The following EPS8L2 variants were observed in gnomAD, a reference collection of about 807,000 sequenced individuals.
EPS8L2 encodes the protein epidermal growth factor receptor kinase substrate 8-like protein 2.
EPS8L2 carries 81 observed loss-of-function variants against 99.4 expected under a neutral mutation model. That is an observed-to-expected ratio of 0.82 (90% CI 0.68 to 0.98). The LOEUF is 0.98. EPS8L2 is among the 50% of genes least tolerant of loss of function. The pLI is 0.00. For synonymous variants in EPS8L2, 509 were observed against 407.3 expected (o/e 1.25, Z -3.01); for missense variants, 1,155 against 968.8 (o/e 1.19, Z -2.55).
chr11:717,713 T>C (rs558847520), intron 4 of EPS8L2, among the ~76,000 whole-genome samples: 2 of 151,644 alleles, frequency 1.3e-5, no homozygotes, highest in Non-Finnish European at 2.9e-5. Flanking sequence ...CCCTTGTCTC[T>C]AGAAAAAATA....
chr11:726,232 G>GGC (rs1554953248), intron 18 of EPS8L2, 62 bp downstream of exon 18: 1 of 1,460,140 alleles, frequency 6.8e-7, no homozygotes, highest in Non-Finnish European at 9.3e-7. Context: ...GAGGAAGTGT[G>GGC]GGGGGGGTCC....
intron 1 of EPS8L2, among the ~76,000 whole-genome samples, chr11:707,880 G>C (rs1330481130): frequency 6.6e-6 from 1 of 152,112 alleles, no homozygotes; most frequent in African/African-American, 2.4e-5. Flanking sequence ...TGGCGCCCTT[G>C]GTGGAGCCCG....
At chr11:707,774 C>T (rs1481141673) in intron 1 of EPS8L2, among the ~76,000 whole-genome samples, 4 of 152,262 alleles carry the variant, frequency 2.6e-5, no homozygotes, top group East Asian at 3.9e-4. Context: ...CCAGGGGGGT[C>T]GCGTGTCACA....
Position 726,523 on chromosome 11 carries a change from G to A in EPS8L2, c.1934+39G>A. The stretch of plus-strand genomic sequence containing the variant: ...GGGGATGAGCTGGGGCCCGGGCGAG[G>A]GGTGGGAGGTGCGGCCGAAGGTGCG... On this transcript the variant is annotated intron_variant, in intron 19 of 20. Coordinates refer to ENST00000318562, the MANE Select transcript of EPS8L2 (RefSeq NM_022772.4). The A allele has an allele frequency of 3.3e-6, 5 of 1,517,768 alleles. 1 individual carries two copies. In the South Asian group the frequency reaches 3.8e-5, roughly 11 times the overall value. 94.0% of individuals were successfully genotyped at this position (1,517,768 alleles called of 1,614,324 possible).
At chr11:720,311 T>A in intron 5 of EPS8L2, 88 bp downstream of exon 5, 1 of 1,429,958 alleles carries the variant, frequency 7.0e-7, no homozygotes, top group Non-Finnish European at 9.6e-7. Context: ...CGGCCGGTCC[T>A]CTCTGCAGGG....
chr11:721,994 G>A lies in EPS8L2; in HGVS notation c.984+3G>A, dbSNP rs761539829. On this transcript the variant is annotated splice_donor_region_variant and intron_variant, in intron 11 of 20. Coordinates refer to ENST00000318562, the MANE Select transcript of EPS8L2 (RefSeq NM_022772.4). Reference sequence around the variant, plus strand: ...TCAAGCTGGCGATTAACTTGCTGGTGGGTCCGGTGGCCCCAGCCCTGCCCC... The same window carrying A: ...TCAAGCTGGCGATTAACTTGCTGGTAGGTCCGGTGGCCCCAGCCCTGCCCC... 8.7e-6 allele frequency: 14 copies of A among 1,605,836 alleles called. No individual in the cohort carries two copies. In the Admixed American group the frequency reaches 2.4e-4, roughly 27 times the overall value.
At chr11:721,015 G>T (rs1564975887) in intron 7 of EPS8L2, 49 bp from the exon 8 acceptor site, 1 of 1,086,328 alleles carries the variant, frequency 9.2e-7, no homozygotes. Flanking sequence ...AGGGAGGGAG[G>T]GTCAGGTGCG....
chr11:726,368 G>T lies in EPS8L2; in HGVS notation c.1818G>T (p.Ala606=), dbSNP rs968326287. ...TCCGGAAAATCAGCAACATCAGGGC[G>T]CAGCCACAGAGGCACTTCCGCGTGG... ...ELIRKISNIR[A]QPQRHFRVER... The change falls in exon 19 of 21, where the codon GCG becomes GCT. Residue 606 remains alanine (A), a synonymous_variant. Transcript: ENST00000318562. The T allele has an allele frequency of 1.9e-6, 3 of 1,610,838 alleles. No individual in the cohort carries two copies. Among genetic ancestry groups the T allele is most frequent in the Admixed American group, 1.7e-5 (1 of 59,858 alleles).
At position 722,403 on chromosome 11, in the gene EPS8L2, C is replaced by T. The variant is rs751072821; in HGVS notation, c.1062C>T (p.Ile354=). 18 of 1,612,758 alleles carry T rather than the reference C, an allele frequency of 1.1e-5. No homozygotes were observed. Among genetic ancestry groups the T allele is most frequent in the Non-Finnish European group, 1.4e-5 (17 of 1,179,798 alleles). Residue 354 remains isoleucine (I), a splice_region_variant and synonymous_variant, in exon 13 of 21, where the codon ATC becomes ATT. Transcript: ENST00000318562. ...VHFLFGPLDL[I]VNTCSGPDIA... ...CTCTGAACCTCACTGTGCCCCAGAT[C>T]GTCAACACCTGCAGTGGCCCAGACA...
rs573884964 is a variant in EPS8L2, at chr11:712,779, C to T, written c.165+2293C>T. ...TCTTGAATCGGGCTGTTTTGGGTGA[C>T]CAGGGCCCTCCCAGCAGCCTGGGCA... On this transcript the variant is annotated intron_variant, in intron 4 of 20. Transcript: ENST00000318562. 2.6e-5 allele frequency among the ~76,000 whole-genome samples: 4 copies of T among 152,350 alleles called. No homozygotes were observed. In the South Asian group the frequency reaches 8.3e-4, roughly 32 times the overall value.
intron 4 of EPS8L2, among the ~76,000 whole-genome samples, chr11:718,308 G>C (rs1424472756): frequency 1.3e-5 from 2 of 152,202 alleles, no homozygotes; most frequent in Admixed American, 1.3e-4. Context: ...ATTCCAGCCT[G>C]GGGGACAGAG....
intron 5 of EPS8L2, 128 bp from the exon 6 acceptor site, chr11:720,469 T>A (rs999777022): frequency 2.1e-6 from 3 of 1,441,074 alleles, no homozygotes; most frequent in Non-Finnish European, 2.8e-6. Context: ...CTAGTCCTCA[T>A]CTTTGGGAGC....
intron 4 of EPS8L2, among the ~76,000 whole-genome samples, chr11:715,845 C>T (rs1862011221): frequency 6.6e-6 from 1 of 151,840 alleles, no homozygotes; most frequent in South Asian, 2.1e-4. Context: ...TGGTCTCGAT[C>T]TCATGACCTC....
At chr11:722,186 G>A (rs772001593) in intron 12 of EPS8L2, 21 bp downstream of exon 12, 7 of 1,609,072 alleles carry the variant, frequency 4.4e-6, no homozygotes, top group Non-Finnish European at 5.1e-6. Flanking sequence ...CCGGGCGGCA[G>A]GGGCGCGCAG....
At chr11:715,137 G>A (rs1024097609) in intron 4 of EPS8L2, among the ~76,000 whole-genome samples, 1 of 152,158 alleles carries the variant, frequency 6.6e-6, no homozygotes, top group African/African-American at 2.4e-5. Flanking sequence ...AGCTACTCGG[G>A]AGGCTGAGGC....
intron 7 of EPS8L2, 69 bp downstream of exon 7, chr11:720,978 G>GCCCGGCAGGGAGGGGAGGAGC (rs5789193): frequency 1.5e-5 from 17 of 1,102,018 alleles, no homozygotes; most frequent in African/African-American, 1.9e-5. Flanking sequence ...GAGGGGAGGA[G>GCCCGGCAGGGAGGGGAGGAGC]CCGGCAGGGG....
Position 721,005 on chromosome 11 carries a change from A to AGGGGAG in EPS8L2, c.558-56_558-55insGAGGGG, listed in dbSNP as rs758503993. 1.2e-3 allele frequency: 1,630 copies of AGGGGAG among 1,398,318 alleles called. 22 individuals carry two copies. The highest frequency in any genetic ancestry group is 2.1e-3 in the Admixed American group (96 of 46,174). The allele number at this position is 1,398,318 out of a possible 1,614,324, so 86.6% of individuals were successfully genotyped here. ...CGGCAGGGGAGGGGAGGAGCCCGGCAGGGAGGGAGGGTCAGGTGCGTTCCC... is the reference window on the plus strand; with the variant it reads ...CGGCAGGGGAGGGGAGGAGCCCGGCAGGGGAGGGGAGGGAGGGTCAGGTGCGTTCCC... On this transcript the variant is annotated intron_variant, in intron 7 of 20. Transcript: ENST00000318562.
At chr11:722,277 C>A in intron 12 of EPS8L2, 112 bp downstream of exon 12, 2 of 1,535,818 alleles carry the variant, frequency 1.3e-6, no homozygotes, top group South Asian at 1.2e-5. Context: ...CAGCCCGGTT[C>A]ACGCTGTGTG....
chr11:726,493 G>A lies in EPS8L2; in HGVS notation c.1934+9G>A. The stretch of plus-strand genomic sequence containing the variant: ...AAGGCCTTCAGCCCGCGGTGAGCGG[G>A]GGCGGGGGATGAGCTGGGGCCCGGG... On this transcript the variant is annotated intron_variant, in intron 19 of 20. Transcript: ENST00000318562. 7 of 1,545,792 alleles carry A rather than the reference G, an allele frequency of 4.5e-6. No homozygotes were observed. The highest frequency in any genetic ancestry group is 6.1e-6 in the Non-Finnish European group (7 of 1,145,200).
Sources: allele counts gnomAD v4.1 joint callset (sites outside exome capture counted in the v4.1 genomes callset), GRCh38; gene constraint gnomAD v4.1.1; transcripts MANE v1.5; gene names NCBI Gene and HGNC (gene_info 2026-07-23, HGNC 2026-07-21).